The following SDK2 variants were observed in gnomAD, a reference collection of about 807,000 sequenced individuals.
The protein encoded by SDK2 is protein sidekick-2.
SDK2 carries 105 observed loss-of-function variants against 253.9 expected under a neutral mutation model. That is an observed-to-expected ratio of 0.41 (90% CI 0.35 to 0.49). SDK2 has a LOEUF of 0.49. Among genes scored for constraint, SDK2 ranks in the 20% least tolerant of loss-of-function variants. SDK2 has a pLI of 0.06. For synonymous variants in SDK2, 1,249 were observed against 1,234.9 expected (o/e 1.01, Z -0.24); for missense variants, 2,608 against 3,003.0 (o/e 0.87, Z 3.07).
intron 4 of SDK2, among the ~76,000 whole-genome samples, chr17:73,452,678 A>G (rs2063497580): frequency 6.6e-6 from 1 of 152,224 alleles, no homozygotes; most frequent in Non-Finnish European, 1.5e-5. Flanking sequence ...CACACCCCTC[A>G]TGCAGCCATG....
intron 3 of SDK2, among the ~76,000 whole-genome samples, chr17:73,466,729 G>GCCCCCCCC (rs1416762479): frequency 1.4e-5 from 1 of 70,322 alleles, no homozygotes; most frequent in Non-Finnish European, 2.9e-5. Flanking sequence ...CCCCCCCCCG[G>GCCCCCCCC]CTTAGGCTCT....
chr17:73,546,237 G>C (rs1046550007), intron 1 of SDK2, among the ~76,000 whole-genome samples: 1 of 152,242 alleles, frequency 6.6e-6, no homozygotes, highest in Admixed American at 6.5e-5. Context: ...CCTCTCTCCT[G>C]TGCAGGCGGA....
rs2062952823 is a variant in SDK2, at chr17:73,394,279, G to C, written c.3638C>G (p.Ser1213Cys). The change falls in exon 26 of 45, where the codon TCC becomes TGC. Residue 1213 changes from serine (S) to cysteine (C), a missense_variant. Ser to Cys is a moderately radical substitution (Grantham distance 112). Transcript: ENST00000392650. ...GCTCCAGCGCACCAGCATGCTGCTG[G>C]AGGTGGTGGCCAGTGCAGACACATT... ...PTNVSALATT[S>C]SSMLVRWSEV... 4 of 1,603,120 alleles carry C rather than the reference G, an allele frequency of 2.5e-6. No homozygotes were observed. In the Admixed American group the frequency reaches 5.0e-5, roughly 20 times the overall value.
intron 1 of SDK2, among the ~76,000 whole-genome samples, chr17:73,552,979 C>A (rs2045085749): frequency 6.6e-6 from 1 of 152,218 alleles, no homozygotes; most frequent in South Asian, 2.1e-4. Flanking sequence ...TTCTGGGTTC[C>A]TCGAGCACCC....
chr17:73,460,001 T>C (rs555749916), intron 3 of SDK2, among the ~76,000 whole-genome samples: 5 of 152,182 alleles, frequency 3.3e-5, no homozygotes, highest in Non-Finnish European at 7.4e-5. Context: ...TCACATACTC[T>C]TTTTACAGTA....
Position 73,618,197 on chromosome 17 carries a change from T to A in SDK2, c.64+25828A>T, listed in dbSNP as rs1599730543. Among the ~76,000 whole-genome samples the A allele has an allele frequency of 6.6e-6, 1 of 152,222 alleles. No homozygotes were observed. Among genetic ancestry groups the A allele is most frequent in the Non-Finnish European group, 1.5e-5 (1 of 68,046 alleles). On this transcript the variant is annotated intron_variant, in intron 1 of 44. Transcript: ENST00000392650. The surrounding 1 kb of genome is among the most constrained non-coding windows in gnomAD (Gnocchi z 4.1). ...TAATTTGCTAACCCAAACCCATTCA[T>A]TAGCCTGTAAATGACGCAGCTCTTA...
intron 13 of SDK2, among the ~76,000 whole-genome samples, 189 bp from the exon 14 acceptor site, chr17:73,423,711 C>T (rs8070326): frequency 0.027 from 4,090 of 152,294 alleles, 182 homozygotes; most frequent in African/African-American, 0.092. Context: ...TAAAGCCATC[C>T]TCACACCCCC....
intron 33 of SDK2, 68 bp from the exon 34 acceptor site, chr17:73,381,018 A>G (rs1177656740): frequency 1.1e-5 from 10 of 949,148 alleles, no homozygotes; most frequent in Non-Finnish European, 1.5e-5. Context: ...TAGTGCTCAC[A>G]CATCCCCACC....
chr17:73,576,352 G>A (rs564859405), intron 1 of SDK2, among the ~76,000 whole-genome samples: 22 of 152,092 alleles, frequency 1.4e-4, no homozygotes, highest in South Asian at 4.2e-4. Flanking sequence ...TGGGAAGCGC[G>A]TCCCAAGGAT....
At chr17:73,502,205 A>C (rs1380946864) in intron 2 of SDK2, among the ~76,000 whole-genome samples, 1 of 152,114 alleles carries the variant, frequency 6.6e-6, no homozygotes, top group East Asian at 1.9e-4. Context: ...TGGAAACATA[A>C]ATTTATGGCA....
At chr17:73,573,376 A>T (rs947328907) in intron 1 of SDK2, among the ~76,000 whole-genome samples, 1 of 152,022 alleles carries the variant, frequency 6.6e-6, no homozygotes, top group African/African-American at 2.4e-5. Flanking sequence ...GGGAAAGGAC[A>T]CTGGTACCTG....
rs970861634 is a variant in SDK2, at chr17:73,383,543, G to A, written c.4705+333C>T. ...CCGTGTTAGCGCCAGTGCTGGTGCC[G>A]GGGAAGCCTTGCCTGTCCCTGGCTT... On this transcript the variant is annotated intron_variant, in intron 33 of 44. Coordinates refer to ENST00000392650, the MANE Select transcript of SDK2 (RefSeq NM_001144952.2). The surrounding 1 kb of genome is among the most constrained non-coding windows in gnomAD (Gnocchi z 4.3). 2.6e-5 allele frequency among the ~76,000 whole-genome samples: 4 copies of A among 152,144 alleles called. No individual in the cohort carries two copies. Among genetic ancestry groups the A allele is most frequent in the Non-Finnish European group, 5.9e-5 (4 of 68,020 alleles).
chr17:73,369,031 T>C, intron 36 of SDK2: 1 of 348,056 alleles, frequency 2.9e-6, no homozygotes, highest in Non-Finnish European at 6.0e-6. Context: ...AAAAAAGAAT[T>C]TAAGAACTGT....
At chr17:73,364,917 T>G in intron 38 of SDK2, among the ~76,000 whole-genome samples, 1 of 152,246 alleles carries the variant, frequency 6.6e-6, no homozygotes, top group South Asian at 2.1e-4. Context: ...GCCACCGTCC[T>G]TGGCTGCCCC....
chr17:73,382,094 T>C (rs2062836190), intron 33 of SDK2, among the ~76,000 whole-genome samples: 1 of 150,872 alleles, frequency 6.6e-6, no homozygotes, highest in Non-Finnish European at 1.5e-5. Context: ...TGTGCGCCGT[T>C]AATCCCAGCT....
intron 1 of SDK2, among the ~76,000 whole-genome samples, chr17:73,514,087 T>A (rs2064003122): frequency 6.6e-6 from 1 of 152,184 alleles, no homozygotes; most frequent in Non-Finnish European, 1.5e-5. Flanking sequence ...TATGTATACA[T>A]GTGCATACGT....
Position 73,644,108 on chromosome 17 carries a change from G to C in SDK2, c.-20C>G. 1 of 1,544,628 alleles carries C rather than the reference G, an allele frequency of 6.5e-7. No homozygotes were observed. The highest frequency in any genetic ancestry group is 8.8e-7 in the Non-Finnish European group (1 of 1,140,934). On this transcript the variant is annotated 5_prime_UTR_variant, in exon 1 of 45. Transcript: ENST00000392650. This position sits in a 1 kb window ranked among gnomAD's most constrained non-coding sequence, Gnocchi z 6.3. ...CCACATGGTGACCAGCCTGGAGAGG[G>C]GTCCTCGGGGTCTCCCTTCCCTCCG...
intron 2 of SDK2, among the ~76,000 whole-genome samples, chr17:73,504,639 A>G (rs1446183609): frequency 6.6e-6 from 1 of 151,212 alleles, no homozygotes; most frequent in African/African-American, 2.4e-5. Flanking sequence ...CTCAAAAAAA[A>G]AAAAAAAAAA....
In SDK2 at chr17:73,443,814, G is replaced by A. The variant is rs373158513; in HGVS notation, c.614-2891C>T. Reference sequence around the variant, plus strand: ...GTCTTCTCAGGGGGGAAATGGGGATGAAAGTCACTACCTCTCAGGGTTGTA... The same window carrying A: ...GTCTTCTCAGGGGGGAAATGGGGATAAAAGTCACTACCTCTCAGGGTTGTA... On this transcript the variant is annotated intron_variant, in intron 5 of 44. Coordinates refer to ENST00000392650, the MANE Select transcript of SDK2 (RefSeq NM_001144952.2). The surrounding 1 kb of genome is among the most constrained non-coding windows in gnomAD (Gnocchi z 4.6). Among the ~76,000 whole-genome samples the A allele has an allele frequency of 8.3e-4, 126 of 152,300 alleles. No individual in the cohort carries two copies. Among genetic ancestry groups the A allele is most frequent in the Middle Eastern group, 3.4e-3 (1 of 294 alleles).
Sources: gnomAD v4.1 joint callset for allele counts (sites outside exome capture counted in the v4.1 genomes callset) on GRCh38, gnomAD v4.1.1 for gene constraint, Gnocchi (gnomAD v3.1) non-coding constraint, MANE v1.5 for transcripts, NCBI Gene and HGNC (gene_info 2026-07-23, HGNC 2026-07-21) for gene names.